The following TMOD2 variants were observed in gnomAD, a reference collection of about 807,000 sequenced individuals.
The protein encoded by TMOD2 is tropomodulin-2.
TMOD2 carries 22 observed loss-of-function variants against 39.9 expected under a neutral mutation model. The ratio of observed to expected loss-of-function variants is 0.55; its 90% CI spans 0.39 to 0.79. The LOEUF (loss-of-function observed/expected upper bound fraction) is 0.79, where lower values mean the gene tolerates loss of function less well. TMOD2 is among the 30% of genes least tolerant of loss of function. TMOD2 has a pLI of 0.00. For missense variants in TMOD2, 386 were observed against 413.3 expected (o/e 0.93, Z 0.57); for synonymous variants, 123 against 146.1 (o/e 0.84, Z 1.14).
At position 51,772,699 on chromosome 15, in the gene TMOD2, C is replaced by T. The variant is rs557158987; in HGVS notation, c.284-1013C>T. 3.3e-5 allele frequency among the ~76,000 whole-genome samples: 5 copies of T among 152,272 alleles called. No homozygotes were observed. The East Asian group carries it at 9.7e-4, about 29-fold the overall frequency. ...AGTGACCCTGATTTTTCCTTACAAT[C>T]ATGCCTGCTTTGGAGACTCTAGAGA... On this transcript the variant is annotated intron_variant, in intron 3 of 9. Coordinates refer to ENST00000249700, the MANE Select transcript of TMOD2 (RefSeq NM_014548.4).
rs184146825 is a variant in TMOD2, at chr15:51,791,389, A to G, written c.733-6808A>G. On this transcript the variant is annotated intron_variant, in intron 7 of 9. Coordinates refer to ENST00000249700, the MANE Select transcript of TMOD2 (RefSeq NM_014548.4). ...ACAAATGAAAAAACATTCCATGCTC[A>G]TGGATAGGAAGAATCAATATCATGA... 3.9e-5 allele frequency among the ~76,000 whole-genome samples: 6 copies of G among 152,338 alleles called. No individual in the cohort carries two copies. In the East Asian group the frequency reaches 9.6e-4, roughly 24 times the overall value.
rs553176911 is a variant in TMOD2 at position 51,761,876 on chromosome 15, G to A, written c.-69-4497G>A. Among the ~76,000 whole-genome samples the A allele has an allele frequency of 4.9e-3, 739 of 150,046 alleles. 2 individuals are homozygous for A. The highest frequency in any genetic ancestry group is 0.011 in the Middle Eastern group (3 of 262). On this transcript the variant is annotated intron_variant, in intron 1 of 9. Transcript: ENST00000249700. ...AAAATACAAATTTTTGGCCGGGCAC[G>A]GTGGCTCATGCCTGTAATCCCAGCA...
intron 1 of TMOD2, among the ~76,000 whole-genome samples, chr15:51,759,618 C>T (rs1279876147): frequency 6.6e-6 from 1 of 152,286 alleles, no homozygotes; most frequent in East Asian, 1.9e-4. Context: ...ACTCTTTCAG[C>T]TCTGACATTC....
intron 2 of TMOD2, chr15:51,767,009 G>C (rs1261413070): frequency 6.7e-6 from 1 of 150,336 alleles, no homozygotes; most frequent in African/African-American, 2.5e-5. Context: ...ATTTAAACCA[G>C]GTTTTTAGGC....
intron 3 of TMOD2, among the ~76,000 whole-genome samples, chr15:51,772,738 C>T (rs983582658): frequency 2.0e-5 from 3 of 152,032 alleles, no homozygotes; most frequent in African/African-American, 7.3e-5. Flanking sequence ...GGCTATGTCC[C>T]CAGGTCACTA....
chr15:51,760,570 C>T (rs562282649), intron 1 of TMOD2, among the ~76,000 whole-genome samples: 90 of 152,218 alleles, frequency 5.9e-4, no homozygotes, highest in Middle Eastern at 6.8e-3. Context: ...TTTGGGAGGC[C>T]GAAGTGAGTG....
At position 51,809,396 on chromosome 15, in the gene TMOD2, C is replaced by G. The variant is rs1166837042; in HGVS notation, c.*942C>G. On this transcript the variant is annotated 3_prime_UTR_variant, in exon 10 of 10. Coordinates refer to ENST00000249700, the MANE Select transcript of TMOD2 (RefSeq NM_014548.4). ...CTTTGTCTTTAGTGTAACAAGATCA[C>G]TGGATTAAATATAAACATTCAGGTT... 1 of 152,594 alleles carries G rather than the reference C, an allele frequency of 6.6e-6. No homozygotes were observed. Among genetic ancestry groups the G allele is most frequent in the Non-Finnish European group, 1.5e-5 (1 of 68,036 alleles). The allele number at this position is 152,594 out of a possible 1,614,324, so 9.5% of individuals were successfully genotyped here.
intron 8 of TMOD2, among the ~76,000 whole-genome samples, chr15:51,802,981 A>C (rs116854525): frequency 0.015 from 2,358 of 152,184 alleles, 82 homozygotes; most frequent in Admixed American, 0.072. Flanking sequence ...CTCCATACTT[A>C]AATTTTCCAA....
chr15:51,758,954 C>T (rs2055760824), intron 1 of TMOD2, among the ~76,000 whole-genome samples: 1 of 152,214 alleles, frequency 6.6e-6, no homozygotes, highest in Non-Finnish European at 1.5e-5. Flanking sequence ...ACGAAGATGA[C>T]AGAAGACAGA....
intron 1 of TMOD2, among the ~76,000 whole-genome samples, chr15:51,759,807 G>A (rs558327796): frequency 1.3e-5 from 2 of 152,298 alleles, no homozygotes; most frequent in Admixed American, 1.3e-4. Context: ...TTACAAAGAT[G>A]GGGGGAGGAT....
At chr15:51,775,577 T>C (rs1008442964) in intron 4 of TMOD2, among the ~76,000 whole-genome samples, 45 of 130,190 alleles carry the variant, frequency 3.5e-4, no homozygotes, top group African/African-American at 9.9e-4. Context: ...TTCCTTTTTT[T>C]TTTTTTTTTT....
Position 51,751,648 on chromosome 15 carries a change from C to G in TMOD2, c.-134C>G, listed in dbSNP as rs2055703644. On this transcript the variant is annotated 5_prime_UTR_variant, in exon 1 of 10. Transcript: ENST00000249700. ...CGGCGCCGCCCCTGTTCTCCCGGCCCCGCTCCACCGGGGCTGACGGACTGA... is the reference window on the plus strand; with the variant it reads ...CGGCGCCGCCCCTGTTCTCCCGGCCGCGCTCCACCGGGGCTGACGGACTGA... 1 of 174,946 alleles carries G rather than the reference C, an allele frequency of 5.7e-6. No homozygotes were observed. Among genetic ancestry groups the G allele is most frequent in the South Asian group, 2.0e-4 (1 of 5,056 alleles). 10.8% of individuals were successfully genotyped at this position (174,946 alleles called of 1,614,324 possible).
At chr15:51,773,407 C>T (rs1351276576) in intron 3 of TMOD2, among the ~76,000 whole-genome samples, 1 of 152,218 alleles carries the variant, frequency 6.6e-6, no homozygotes, top group Non-Finnish European at 1.5e-5. Context: ...AGGGCCTCTC[C>T]TGCCCAGACC....
intron 1 of TMOD2, among the ~76,000 whole-genome samples, chr15:51,765,070 T>C (rs910266814): frequency 6.6e-6 from 1 of 152,072 alleles, no homozygotes; most frequent in Non-Finnish European, 1.5e-5. Flanking sequence ...TGATGCCATC[T>C]CAGCACTGCA....
chr15:51,773,661 TA>T (rs1224619653), intron 3 of TMOD2, 50 bp from the exon 4 acceptor site: 2 of 1,547,078 alleles, frequency 1.3e-6, no homozygotes, highest in Non-Finnish European at 8.7e-7. Context: ...CTACTTACCC[TA>T]CCAATAAGGC....
chr15:51,782,115 G>A (rs2055934930), intron 6 of TMOD2, among the ~76,000 whole-genome samples: 1 of 151,830 alleles, frequency 6.6e-6, no homozygotes, highest in South Asian at 2.1e-4. Flanking sequence ...TCTAGAAAAA[G>A]GACTACAAAG....
chr15:51,811,738 G>A lies in TMOD2; in HGVS notation c.*3284G>A, dbSNP rs530053158. The A allele has an allele frequency of 8.5e-5, 13 of 152,300 alleles. No homozygotes were observed. Among genetic ancestry groups the A allele is most frequent in the Non-Finnish European group, 1.9e-4 (13 of 68,038 alleles). The allele number at this position is 152,300 out of a possible 1,614,324, so 9.4% of individuals were successfully genotyped here. A position where few individuals can be genotyped will look rare whatever the true frequency, so the allele number is the denominator to read the frequency against. ...ACATCTGGACAACTGATTGAAGGGA[G>A]ATGCTCTCTCCCCAGTCCTCTTCCC... On this transcript the variant is annotated 3_prime_UTR_variant, in exon 10 of 10. Transcript: ENST00000249700.
At chr15:51,801,690 T>A (rs754159107) in intron 8 of TMOD2, among the ~76,000 whole-genome samples, 5 of 152,098 alleles carry the variant, frequency 3.3e-5, no homozygotes, top group Non-Finnish European at 7.4e-5. Context: ...AAGAAACAGA[T>A]GGGGAACTGC....
intron 7 of TMOD2, chr15:51,783,621 A>G (rs967480668): frequency 7.9e-5 from 12 of 152,138 alleles, no homozygotes; most frequent in African/African-American, 2.9e-4. Context: ...AGGTGTGGTA[A>G]CGTACACCTC....
Sources: allele counts gnomAD v4.1 joint callset (sites outside exome capture counted in the v4.1 genomes callset), GRCh38; gene constraint gnomAD v4.1.1; transcripts MANE v1.5; gene names NCBI Gene and HGNC (gene_info 2026-07-23, HGNC 2026-07-21).